The following HS6ST3 variants were observed in gnomAD, a reference collection of about 807,000 sequenced individuals.
HS6ST3 encodes heparan-sulfate 6-O-sulfotransferase 3.
Under a neutral mutation model 36.7 loss-of-function variants are expected in HS6ST3, and 12 were observed. The ratio of observed to expected loss-of-function variants is 0.33; its 90% CI spans 0.21 to 0.53. The LOEUF (loss-of-function observed/expected upper bound fraction) is 0.53. Ranked by LOEUF, HS6ST3 falls within the 20% of genes least tolerant of loss-of-function variation. The pLI is 0.95. For synonymous variants in HS6ST3, 240 were observed against 257.5 expected (o/e 0.93, Z 0.65); for missense variants, 584 against 640.9 (o/e 0.91, Z 0.96).
intron 1 of HS6ST3, among the ~76,000 whole-genome samples, chr13:96,155,743 A>G (rs921460621): frequency 6.6e-6 from 1 of 152,244 alleles, no homozygotes. Context: ...TTATCATACT[A>G]TTTTTCTGTC....
chr13:96,161,214 T>A (rs542996837), intron 1 of HS6ST3, among the ~76,000 whole-genome samples: 60 of 152,244 alleles, frequency 3.9e-4, no homozygotes, highest in African/African-American at 1.4e-3. Context: ...AGGATTCTAA[T>A]GCATTAAGGC....
At chr13:96,660,253 G>A (rs2056641727) in intron 1 of HS6ST3, among the ~76,000 whole-genome samples, 1 of 151,978 alleles carries the variant, frequency 6.6e-6, no homozygotes, top group Non-Finnish European at 1.5e-5. Context: ...TATAATTTCA[G>A]TACAATAACA....
At chr13:96,360,734 G>A (rs972307862) in intron 1 of HS6ST3, among the ~76,000 whole-genome samples, 7 of 151,754 alleles carry the variant, frequency 4.6e-5, no homozygotes, top group African/African-American at 1.2e-4. Flanking sequence ...GTCACTTGAG[G>A]TCAGGAGTTT....
At chr13:96,180,901 TA>T (rs1352422255) in intron 1 of HS6ST3, among the ~76,000 whole-genome samples, 1 of 152,204 alleles carries the variant, frequency 6.6e-6, no homozygotes, top group African/African-American at 2.4e-5. Flanking sequence ...TTTTCTTTAT[TA>T]ATGTGGATAA....
chr13:96,418,192 TG>T (rs1566355595), intron 1 of HS6ST3, among the ~76,000 whole-genome samples: 1 of 152,040 alleles, frequency 6.6e-6, no homozygotes, highest in African/African-American at 2.4e-5. Flanking sequence ...AAATAGACCA[TG>T]AAAAAAACAC....
chr13:96,568,033 A>G (rs1283693543), intron 1 of HS6ST3, among the ~76,000 whole-genome samples: 3 of 152,246 alleles, frequency 2.0e-5, no homozygotes, highest in Non-Finnish European at 2.9e-5. Flanking sequence ...GGGAATTTGT[A>G]TAGCCATTTT....
At chr13:96,319,622 G>C (rs943815244) in intron 1 of HS6ST3, among the ~76,000 whole-genome samples, 3 of 152,182 alleles carry the variant, frequency 2.0e-5, no homozygotes, top group African/African-American at 7.2e-5. Flanking sequence ...CAGTGTGTGA[G>C]AGTTCCAATT....
chr13:96,317,707 T>C (rs2054982871), intron 1 of HS6ST3, among the ~76,000 whole-genome samples: 1 of 148,288 alleles, frequency 6.7e-6, no homozygotes, highest in Non-Finnish European at 1.5e-5. Context: ...CTTTTCTCTA[T>C]AGCCTTGCCA....
At chr13:96,799,376 C>A (rs1160212502) in intron 1 of HS6ST3, among the ~76,000 whole-genome samples, 1 of 151,986 alleles carries the variant, frequency 6.6e-6, no homozygotes, top group African/African-American at 2.4e-5. Context: ...GGTGAGGAAC[C>A]AACCCAAATG....
At chr13:96,507,781 G>A (rs1416073546) in intron 1 of HS6ST3, among the ~76,000 whole-genome samples, 1 of 152,038 alleles carries the variant, frequency 6.6e-6, no homozygotes, top group Non-Finnish European at 1.5e-5. Flanking sequence ...ATTATTTGGT[G>A]AGCATCATTC....
chr13:96,206,223 G>A (rs762314399), intron 1 of HS6ST3, among the ~76,000 whole-genome samples: 1 of 152,096 alleles, frequency 6.6e-6, no homozygotes, highest in Non-Finnish European at 1.5e-5. Flanking sequence ...TTACCATGAA[G>A]AGAATAAAAT....
chr13:96,742,598 A>C lies in HS6ST3; in HGVS notation c.708-89892A>C, dbSNP rs139757802. On this transcript the variant is annotated intron_variant, in intron 1 of 1. Transcript: ENST00000376705. Reference sequence around the variant, plus strand: ...TTCCAACTCATGCACATCTTAAAAGAACAAGAGCACACAATTAAATATCAC... The same window carrying C: ...TTCCAACTCATGCACATCTTAAAAGCACAAGAGCACACAATTAAATATCAC... Among the ~76,000 whole-genome samples, 422 of 152,252 alleles carry C rather than the reference A, an allele frequency of 2.8e-3. 2 individuals carry two copies. Among genetic ancestry groups the C allele is most frequent in the African/African-American group, 9.6e-3 (398 of 41,554 alleles).
chr13:96,331,461 T>C (rs2055066786), intron 1 of HS6ST3, among the ~76,000 whole-genome samples: 1 of 152,210 alleles, frequency 6.6e-6, no homozygotes, highest in African/African-American at 2.4e-5. Context: ...AGTGTGCCCC[T>C]GCCGGGGGGA....
At chr13:96,517,218 TAA>T (rs34202709) in intron 1 of HS6ST3, among the ~76,000 whole-genome samples, 167 of 147,504 alleles carry the variant, frequency 1.1e-3, no homozygotes, top group Middle Eastern at 3.5e-3. Context: ...TGTTCCTATT[TAA>T]AAAAAAAAAA....
chr13:96,586,719 G>A (rs2056362848), intron 1 of HS6ST3, among the ~76,000 whole-genome samples: 1 of 152,158 alleles, frequency 6.6e-6, no homozygotes, highest in Non-Finnish European at 1.5e-5. Flanking sequence ...CTTGTCAGAT[G>A]TATGGTTTGC....
At chr13:96,107,833 T>G (rs910321622) in intron 1 of HS6ST3, among the ~76,000 whole-genome samples, 4 of 152,238 alleles carry the variant, frequency 2.6e-5, no homozygotes, top group Admixed American at 2.6e-4. Flanking sequence ...TCAATACTCT[T>G]ATAATTTCCT....
chr13:96,111,770 T>G (rs1002399343), intron 1 of HS6ST3, among the ~76,000 whole-genome samples: 1 of 152,096 alleles, frequency 6.6e-6, no homozygotes, highest in Admixed American at 6.6e-5. Flanking sequence ...GACAAAGATA[T>G]AAAATATAAG....
chr13:96,354,410 G>C (rs1439164149), intron 1 of HS6ST3, among the ~76,000 whole-genome samples: 1 of 152,010 alleles, frequency 6.6e-6, no homozygotes, highest in Non-Finnish European at 1.5e-5. Context: ...GGGGTCTTGA[G>C]TGGGAAAAAA....
intron 1 of HS6ST3, among the ~76,000 whole-genome samples, chr13:96,140,554 T>A (rs935054376): frequency 5.9e-5 from 9 of 152,152 alleles, no homozygotes; most frequent in African/African-American, 2.2e-4. Flanking sequence ...GTCATGACAT[T>A]ACAAGAAAAA....
Sources: allele counts gnomAD v4.1 joint callset (sites outside exome capture counted in the v4.1 genomes callset), GRCh38; gene constraint gnomAD v4.1.1; transcripts MANE v1.5; gene names NCBI Gene and HGNC (gene_info 2026-07-23, HGNC 2026-07-21).